Variants in GRID1 observed in about 807,000 individuals in gnomAD.
GRID1 encodes the protein glutamate receptor ionotropic, delta-1.
In GRID1, 28 loss-of-function variants were observed where a neutral mutation model predicts 98.0. The observed-to-expected ratio is 0.29, with a 90% CI of 0.21 to 0.39. The LOEUF (loss-of-function observed/expected upper bound fraction) is 0.39. Among genes scored for constraint, GRID1 ranks in the 10% least tolerant of loss-of-function variants. The pLI is 1.00. For synonymous variants in GRID1, 553 were observed against 538.5 expected (o/e 1.03, Z -0.37); for missense variants, 1,111 against 1,340.5 (o/e 0.83, Z 2.67).
chr10:86,147,216 C>T (rs1468190748), intron 3 of GRID1, among the ~76,000 whole-genome samples: 1 of 152,202 alleles, frequency 6.6e-6, no homozygotes. Context: ...TCATGGCAGG[C>T]CTGGCCCTGA....
intron 3 of GRID1, among the ~76,000 whole-genome samples, chr10:86,187,142 G>A (rs1845736281): frequency 6.6e-6 from 1 of 152,142 alleles, no homozygotes. Flanking sequence ...TTGGGGGCGG[G>A]GCGGGGCTCA....
At chr10:86,353,011 G>C (rs570781074) in intron 2 of GRID1, among the ~76,000 whole-genome samples, 26 of 152,226 alleles carry the variant, frequency 1.7e-4, no homozygotes, top group Non-Finnish European at 3.4e-4. Flanking sequence ...GATGATCTCT[G>C]AGAGCCCTGA....
intron 5 of GRID1, among the ~76,000 whole-genome samples, chr10:85,915,367 TACAC>T (rs368370327): frequency 1.3e-5 from 2 of 151,894 alleles, no homozygotes; most frequent in Non-Finnish European, 2.9e-5. Flanking sequence ...CATACATACA[TACAC>T]ACTCACATGC....
intron 8 of GRID1, among the ~76,000 whole-genome samples, chr10:85,777,876 C>A (rs1206853186): frequency 1.3e-5 from 2 of 152,154 alleles, no homozygotes; most frequent in Non-Finnish European, 2.9e-5. Context: ...ATCAGACACT[C>A]TTGTACGCAG....
chr10:86,253,744 AATG>A (rs1451801013), intron 2 of GRID1, among the ~76,000 whole-genome samples: 1 of 152,138 alleles, frequency 6.6e-6, no homozygotes, highest in Non-Finnish European at 1.5e-5. Context: ...GAAATAGGCC[AATG>A]TCCGTGTTAG....
chr10:86,331,278 C>G (rs1252604296), intron 2 of GRID1, among the ~76,000 whole-genome samples: 1 of 152,132 alleles, frequency 6.6e-6, no homozygotes, highest in Non-Finnish European at 1.5e-5. Context: ...CAGCCTTGGA[C>G]TCCCATGCTA....
intron 13 of GRID1, among the ~76,000 whole-genome samples, chr10:85,625,750 T>C (rs1318413588): frequency 6.6e-6 from 1 of 152,184 alleles, no homozygotes; most frequent in African/African-American, 2.4e-5. Flanking sequence ...TTTAGCAGAA[T>C]ATGATTGGCC....
At chr10:85,791,192 G>T (rs1486350037) in intron 8 of GRID1, among the ~76,000 whole-genome samples, 1 of 152,194 alleles carries the variant, frequency 6.6e-6, no homozygotes, top group African/African-American at 2.4e-5. Flanking sequence ...ACGTGACTGA[G>T]TCCAGGTTGG....
intron 4 of GRID1, among the ~76,000 whole-genome samples, chr10:86,041,643 G>A (rs1427047578): frequency 6.6e-6 from 1 of 152,142 alleles, no homozygotes; most frequent in Non-Finnish European, 1.5e-5. Context: ...AGATAACCCA[G>A]GACAGGTCCC....
chr10:85,945,598 T>C (rs1409133743), intron 4 of GRID1, among the ~76,000 whole-genome samples: 1 of 152,218 alleles, frequency 6.6e-6, no homozygotes, highest in Non-Finnish European at 1.5e-5. Context: ...TCAAACACAC[T>C]AAAATTTCAT....
chr10:85,965,339 A>T (rs1168959573), intron 4 of GRID1, among the ~76,000 whole-genome samples: 1 of 152,240 alleles, frequency 6.6e-6, no homozygotes, highest in Non-Finnish European at 1.5e-5. Context: ...ATGCACACAT[A>T]TGTTTATTGT....
At chr10:85,903,625 C>T (rs1841419907) in intron 5 of GRID1, among the ~76,000 whole-genome samples, 1 of 152,180 alleles carries the variant, frequency 6.6e-6, no homozygotes, top group African/African-American at 2.4e-5. Flanking sequence ...TTGCTTCCAA[C>T]TTCACTCAGA....
chr10:85,871,077 G>C (rs1843273946), intron 5 of GRID1, among the ~76,000 whole-genome samples: 1 of 152,014 alleles, frequency 6.6e-6, no homozygotes, highest in Admixed American at 6.6e-5. Context: ...ACATACAGAC[G>C]CCCCTCAACT....
At chr10:86,039,415 T>C (rs969338933) in intron 4 of GRID1, among the ~76,000 whole-genome samples, 10 of 152,352 alleles carry the variant, frequency 6.6e-5, no homozygotes, top group African/African-American at 2.4e-4. Context: ...TGAATCATTA[T>C]GAGGGACCAC....
chr10:85,651,187 T>C (rs1432616004), intron 12 of GRID1, among the ~76,000 whole-genome samples: 1 of 152,182 alleles, frequency 6.6e-6, no homozygotes, highest in African/African-American at 2.4e-5. Flanking sequence ...CACAGGGTTG[T>C]TGAAGATTAA....
chr10:85,669,511 C>T (rs1464235133), intron 12 of GRID1, among the ~76,000 whole-genome samples: 3 of 152,176 alleles, frequency 2.0e-5, no homozygotes, highest in African/African-American at 7.2e-5. Flanking sequence ...GGAGTTCACA[C>T]TTTCTGAAGC....
At chr10:86,117,086 TACCACCACCACCATTACC>T (rs1844594268) in intron 4 of GRID1, among the ~76,000 whole-genome samples, 1 of 130,198 alleles carries the variant, frequency 7.7e-6, no homozygotes, top group Non-Finnish European at 1.7e-5. Flanking sequence ...ACAACACCTT[TACCACCACCACCATTACC>T]ACCACCACCA....
At chr10:85,680,202 A>C (rs1841191804) in intron 12 of GRID1, among the ~76,000 whole-genome samples, 1 of 152,192 alleles carries the variant, frequency 6.6e-6, no homozygotes, top group Non-Finnish European at 1.5e-5. Context: ...AGAAGGGCCC[A>C]GCTTAACACC....
intron 4 of GRID1, among the ~76,000 whole-genome samples, chr10:86,054,143 G>A (rs747531055): frequency 1.3e-5 from 2 of 152,072 alleles, no homozygotes; most frequent in African/African-American, 2.4e-5. Flanking sequence ...TAGTAAGCCA[G>A]AAGTGTTATC....
Sources: allele counts gnomAD v4.1 joint callset (sites outside exome capture counted in the v4.1 genomes callset), GRCh38; gene constraint gnomAD v4.1.1; transcripts MANE v1.5; gene names NCBI Gene and HGNC (gene_info 2026-07-23, HGNC 2026-07-21).